DCC: variants seen among roughly 807,000 people sequenced by gnomAD.
DCC encodes the protein netrin receptor DCC.
A neutral mutation model predicts 172.5 loss-of-function variants in DCC; 58 were observed. The ratio of observed to expected loss-of-function variants is 0.34; its 90% CI spans 0.27 to 0.42. DCC has a LOEUF of 0.42. DCC is among the 10% of genes least tolerant of loss of function. DCC has a pLI of 1.00. For synonymous variants in DCC, 709 were observed against 644.5 expected (o/e 1.10, Z -1.52); for missense variants, 1,740 against 1,791.0 (o/e 0.97, Z 0.51).
chr18:52,344,330 T>C (rs1014905472), intron 1 of DCC, among the ~76,000 whole-genome samples: 1 of 152,136 alleles, frequency 6.6e-6, no homozygotes, highest in African/African-American at 2.4e-5. Context: ...TGACAAGATA[T>C]ATGGGGAGGT....
Position 53,507,953 on chromosome 18 carries a change from GTGCAATCTCTGCTCAC to G in DCC, c.4111+8449_4111+8464del, listed in dbSNP as rs376769725. On this transcript the variant is annotated intron_variant, in intron 27 of 28. Transcript: ENST00000442544. Reference sequence around the variant, plus strand: ...CTGTCACCCAGGCTGGAGTGCAGTGGTGCAATCTCTGCTCACTGCAAGCTCTGCCTCCGGGGTTCAC... The same window carrying G: ...CTGTCACCCAGGCTGGAGTGCAGTGGTGCAAGCTCTGCCTCCGGGGTTCAC... Among the ~76,000 whole-genome samples, 1,134 of 149,346 alleles carry G rather than the reference GTGCAATCTCTGCTCAC, an allele frequency of 7.6e-3. 20 individuals are homozygous for G. The highest frequency in any genetic ancestry group is 0.027 in the African/African-American group (1,090 of 40,070).
intron 1 of DCC, among the ~76,000 whole-genome samples, chr18:52,590,287 A>T (rs1387482595): frequency 6.6e-6 from 1 of 152,080 alleles, no homozygotes; most frequent in African/African-American, 2.4e-5. Flanking sequence ...CATCCAATGC[A>T]TTAGCCTAAC....
intron 1 of DCC, among the ~76,000 whole-genome samples, 168 bp downstream of exon 1, chr18:52,341,046 C>G (rs1452949659): frequency 2.0e-5 from 3 of 150,406 alleles, no homozygotes; most frequent in African/African-American, 7.4e-5. Context: ...TTTTTTTCTT[C>G]CCTGGGGGCG....
chr18:52,498,031 A>G (rs2030869280), intron 1 of DCC, among the ~76,000 whole-genome samples: 1 of 152,224 alleles, frequency 6.6e-6, no homozygotes, highest in African/African-American at 2.4e-5. Context: ...ACAATACAAA[A>G]AGGAATAAGT....
intron 8 of DCC, among the ~76,000 whole-genome samples, chr18:53,170,842 C>T (rs1378045162): frequency 6.6e-6 from 1 of 152,116 alleles, no homozygotes; most frequent in Non-Finnish European, 1.5e-5. Context: ...GAACTACTTA[C>T]TCCACAGTCT....
chr18:53,467,752 A>C (rs1306634233), intron 24 of DCC, 142 bp from the exon 25 acceptor site: 1 of 743,058 alleles, frequency 1.3e-6, no homozygotes, highest in African/African-American at 1.7e-5. Context: ...TGTACAATGA[A>C]ATAGATTCAG....
chr18:53,185,102 A>G (rs1257846798), intron 9 of DCC, among the ~76,000 whole-genome samples: 1 of 152,192 alleles, frequency 6.6e-6, no homozygotes, highest in Non-Finnish European at 1.5e-5. Context: ...ATACAAATAC[A>G]TTATTTTAAA....
At chr18:52,611,351 A>T (rs2034273664) in intron 1 of DCC, among the ~76,000 whole-genome samples, 2 of 152,136 alleles carry the variant, frequency 1.3e-5, no homozygotes, top group African/African-American at 2.4e-5. Flanking sequence ...TAACATACTG[A>T]TAGGTACAAA....
intron 1 of DCC, among the ~76,000 whole-genome samples, chr18:52,341,447 G>A (rs776906407): frequency 3.3e-5 from 5 of 152,184 alleles, no homozygotes; most frequent in Non-Finnish European, 7.3e-5. Flanking sequence ...TACTGAAGGA[G>A]GCACAGAGTT....
chr18:53,501,870 G>A (rs2046104365), intron 27 of DCC, among the ~76,000 whole-genome samples: 3 of 126,056 alleles, frequency 2.4e-5, no homozygotes, highest in Admixed American at 1.5e-4. Context: ...CAGAGAATTG[G>A]CATTTTTTTA....
At chr18:53,053,091 C>T (rs559572986) in intron 5 of DCC, among the ~76,000 whole-genome samples, 6 of 152,084 alleles carry the variant, frequency 3.9e-5, no homozygotes, top group East Asian at 3.9e-4. Flanking sequence ...TGTAGTGAGC[C>T]GAGATCGAAC....
intron 2 of DCC, among the ~76,000 whole-genome samples, chr18:52,833,467 A>G (rs1319662188): frequency 2.0e-5 from 3 of 152,056 alleles, no homozygotes; most frequent in Non-Finnish European, 4.4e-5. Flanking sequence ...GCCCAATGAC[A>G]TTGAGTATTT....
chr18:52,585,585 G>A (rs1044759182), intron 1 of DCC, among the ~76,000 whole-genome samples: 7 of 152,204 alleles, frequency 4.6e-5, no homozygotes, highest in African/African-American at 1.7e-4. Context: ...AGCCCCTGAT[G>A]TGAAATGTTA....
intron 28 of DCC, 77 bp from the exon 29 acceptor site, chr18:53,530,487 C>A (rs571305506): frequency 2.6e-5 from 22 of 852,984 alleles, no homozygotes; most frequent in African/African-American, 2.5e-4. Context: ...AGCACCCCAA[C>A]TAGCTGTGGC....
intron 1 of DCC, among the ~76,000 whole-genome samples, chr18:52,393,127 C>T (rs1473141957): frequency 6.6e-6 from 1 of 152,084 alleles, no homozygotes; most frequent in Non-Finnish European, 1.5e-5. Context: ...GCACTGACCA[C>T]AGGTACACTC....
intron 5 of DCC, among the ~76,000 whole-genome samples, chr18:53,026,907 G>GATCT (rs955118058): frequency 1.6e-4 from 25 of 152,084 alleles, no homozygotes; most frequent in African/African-American, 5.8e-4. Flanking sequence ...AGTCTATGAA[G>GATCT]ATCTAGAAGG....
At chr18:52,463,183 G>T (rs1988683573) in intron 1 of DCC, among the ~76,000 whole-genome samples, 1 of 152,060 alleles carries the variant, frequency 6.6e-6, no homozygotes, top group Non-Finnish European at 1.5e-5. Flanking sequence ...AACAAAAGTA[G>T]CAAGGTTTGG....
chr18:52,681,021 T>C (rs909201534), intron 1 of DCC, among the ~76,000 whole-genome samples: 1 of 152,120 alleles, frequency 6.6e-6, no homozygotes, highest in Admixed American at 6.6e-5. Context: ...TAAATTACTA[T>C]TGGTGGTGGG....
At chr18:52,620,333 C>G (rs544261386) in intron 1 of DCC, among the ~76,000 whole-genome samples, 5 of 152,308 alleles carry the variant, frequency 3.3e-5, no homozygotes, top group African/African-American at 1.2e-4. Context: ...TGGAGAGATT[C>G]ACTAGTTGAA....
Sources: gnomAD v4.1 joint callset for allele counts (sites outside exome capture counted in the v4.1 genomes callset) on GRCh38, gnomAD v4.1.1 for gene constraint, MANE v1.5 for transcripts, NCBI Gene and HGNC (gene_info 2026-07-23, HGNC 2026-07-21) for gene names.